XPO4: variants seen among roughly 807,000 people sequenced by gnomAD.
The protein encoded by XPO4 is exportin 4.
Under a neutral mutation model 143.0 loss-of-function variants are expected in XPO4, and 39 were observed. The ratio of observed to expected loss-of-function variants is 0.27; its 90% CI spans 0.21 to 0.36. The LOEUF (loss-of-function observed/expected upper bound fraction) is 0.36, where lower values mean the gene tolerates loss of function less well. Among genes scored for constraint, XPO4 ranks in the 10% least tolerant of loss-of-function variants. The probability of loss-of-function intolerance (pLI) is 1.00; values close to 1 mark genes in which losing one functional copy is unlikely to be tolerated. For missense variants in XPO4, 907 were observed against 1,348.0 expected, an observed-to-expected ratio of 0.67 and a Z score of 5.12; for synonymous variants, 439 against 474.0, an observed-to-expected ratio of 0.93 and a Z score of 0.96.
chr13:20,849,587 C>T (rs187403404), intron 4 of XPO4: 88 of 985,328 alleles, frequency 8.9e-5, no homozygotes, highest in Middle Eastern at 5.2e-4. Context: ...GAAATAACCA[C>T]GTAACCTTTA....
At chr13:20,823,057 T>C (rs2818991) in intron 7 of XPO4, among the ~76,000 whole-genome samples, 35,358 of 152,092 alleles carry the variant, frequency 0.23, 5,767 homozygotes, top group East Asian at 0.8. Context: ...GTTTCATTTC[T>C]GTAATCTGAC....
intron 21 of XPO4, 52 bp from the exon 22 acceptor site, chr13:20,787,109 C>G: frequency 7.1e-7 from 1 of 1,410,274 alleles, no homozygotes; most frequent in Non-Finnish European, 9.7e-7. Flanking sequence ...CATATATCCT[C>G]CAGTCCCTCC....
chr13:20,778,112 A>C lies in XPO4; in HGVS notation c.*5610T>G, dbSNP rs1037929675. ...AATTGTATTTTTGGAGAGCACCATT[A>C]AAGATGTCTTTTAAAAAACAGTTAT... On this transcript the variant is annotated 3_prime_UTR_variant, in exon 23 of 23. Coordinates refer to ENST00000255305, the MANE Select transcript of XPO4 (RefSeq NM_022459.5). The C allele has an allele frequency of 6.6e-6, 1 of 152,232 alleles. No individual in the cohort carries two copies. The highest frequency in any genetic ancestry group is 2.4e-5 in the African/African-American group (1 of 41,462). 9.4% of individuals were successfully genotyped at this position (152,232 alleles called of 1,614,324 possible). A position where few individuals can be genotyped will look rare whatever the true frequency, so the allele number is the denominator to read the frequency against.
In XPO4 at chr13:20,788,557, A is replaced by G. The variant is rs984332630; in HGVS notation, c.2976T>C (p.Pro992=). Residue 992 remains proline (P), a synonymous_variant, in exon 20 of 23, where the codon CCT becomes CCC. Transcript: ENST00000255305. ...CCTCAGGAAGCTGTGGTATTTTTTCAGGAAAAATCTCACAGATAAATGTGA... is the reference window on the plus strand; with the variant it reads ...CCTCAGGAAGCTGTGGTATTTTTTCGGGAAAAATCTCACAGATAAATGTGA... ...KLITFICEIF[P]EKIPQLPEDL... The G allele has an allele frequency of 6.2e-7, 1 of 1,612,734 alleles. No individual in the cohort carries two copies. The highest frequency in any genetic ancestry group is 1.3e-5 in the African/African-American group (1 of 74,888).
chr13:20,808,404 A>T, intron 12 of XPO4, 32 bp downstream of exon 12: 1 of 1,495,410 alleles, frequency 6.7e-7, no homozygotes, highest in Non-Finnish European at 9.1e-7. Context: ...CTCAGTTGGC[A>T]ATTACATTTT....
At chr13:20,890,891 T>G (rs1175292663) in intron 1 of XPO4, among the ~76,000 whole-genome samples, 1 of 150,990 alleles carries the variant, frequency 6.6e-6, no homozygotes, top group Admixed American at 6.6e-5. Flanking sequence ...GCCAGTCACC[T>G]GAGGTCAGGA....
intron 1 of XPO4, chr13:20,869,518 T>A (rs1208684299): frequency 3.2e-5 from 31 of 963,890 alleles, no homozygotes; most frequent in Non-Finnish European, 2.5e-6. Context: ...AACCATTGAA[T>A]AAAGAGGGCA....
intron 16 of XPO4, among the ~76,000 whole-genome samples, chr13:20,797,609 TAGTC>T (rs142040957): frequency 0.021 from 3,218 of 152,246 alleles, 120 homozygotes; most frequent in African/African-American, 0.074. Flanking sequence ...TAAAAATACT[TAGTC>T]AGTCTGGTTT....
At chr13:20,847,720 G>T (rs1462196652) in intron 4 of XPO4, among the ~76,000 whole-genome samples, 1 of 152,112 alleles carries the variant, frequency 6.6e-6, no homozygotes, top group Non-Finnish European at 1.5e-5. Context: ...AACAAAAGCT[G>T]TAGTAATTAA....
chr13:20,784,010 G>T (rs2059170571), intron 22 of XPO4, 91 bp from the exon 23 acceptor site: 3 of 1,262,842 alleles, frequency 2.4e-6, no homozygotes, highest in Admixed American at 1.9e-5. Context: ...GTTCTAAAAG[G>T]CAGGGACACA....
At chr13:20,841,765 T>C (rs1299124935) in intron 6 of XPO4, among the ~76,000 whole-genome samples, 1 of 151,848 alleles carries the variant, frequency 6.6e-6, no homozygotes, top group Non-Finnish European at 1.5e-5. Flanking sequence ...CACAAATAAT[T>C]AGCGAGTTTC....
chr13:20,787,196 T>TA (rs150693596), intron 21 of XPO4, 139 bp from the exon 22 acceptor site: 14,999 of 787,110 alleles, frequency 0.019, 1,086 homozygotes, highest in African/African-American at 0.18. Context: ...CTTAATGTTT[T>TA]AAAAAAAATA....
intron 3 of XPO4, chr13:20,856,187 T>C (rs752406165): frequency 3.2e-6 from 1 of 311,480 alleles, no homozygotes; most frequent in Non-Finnish European, 4.7e-6. Context: ...TCCACTAGTC[T>C]GGAGATAAAT....
intron 7 of XPO4, among the ~76,000 whole-genome samples, chr13:20,825,357 G>A (rs1239169863): frequency 6.6e-6 from 1 of 152,010 alleles, no homozygotes; most frequent in Non-Finnish European, 1.5e-5. Flanking sequence ...CTTTAAAGTA[G>A]GCAATAAATT....
At position 20,808,196 on chromosome 13, in the gene XPO4, T is replaced by C. The variant is rs2137885500; in HGVS notation, c.1639+240A>G. ...TGATGATGATAATAGTAATACTACCTAGCAATACTAATTCAGCGGGTAGAA... is the reference window on the plus strand; with the variant it reads ...TGATGATGATAATAGTAATACTACCCAGCAATACTAATTCAGCGGGTAGAA... On this transcript the variant is annotated intron_variant, in intron 12 of 22. Coordinates refer to ENST00000255305, the MANE Select transcript of XPO4 (RefSeq NM_022459.5). Among the ~76,000 whole-genome samples, 2 of 152,304 alleles carry C rather than the reference T, an allele frequency of 1.3e-5. 1 individual carries two copies. The highest frequency in any genetic ancestry group is 2.9e-5 in the Non-Finnish European group (2 of 68,020).
intron 13 of XPO4, among the ~76,000 whole-genome samples, chr13:20,805,919 G>A (rs959266732): frequency 6.6e-6 from 1 of 151,162 alleles, no homozygotes. Context: ...TAAAAACATG[G>A]TGACTTTTTT....
chr13:20,871,098 G>A (rs764008856), intron 1 of XPO4, among the ~76,000 whole-genome samples: 10 of 152,124 alleles, frequency 6.6e-5, no homozygotes, highest in African/African-American at 2.4e-5. Flanking sequence ...GTAAGCCATC[G>A]TGCCCGGCCA....
intron 7 of XPO4, among the ~76,000 whole-genome samples, chr13:20,826,694 T>G (rs1252342838): frequency 2.0e-5 from 3 of 152,262 alleles, no homozygotes; most frequent in Non-Finnish European, 2.9e-5. Context: ...TATGTTAATA[T>G]GTAATCGTTT....
intron 7 of XPO4, 125 bp downstream of exon 7, chr13:20,826,942 C>T: frequency 1.6e-6 from 1 of 633,262 alleles, no homozygotes; most frequent in East Asian, 2.8e-5. Context: ...TTTAAGCAGC[C>T]ATACTGATGA....
Sources: gnomAD v4.1 joint callset for allele counts (sites outside exome capture counted in the v4.1 genomes callset) on GRCh38, gnomAD v4.1.1 for gene constraint, MANE v1.5 for transcripts, NCBI Gene and HGNC (gene_info 2026-07-23, HGNC 2026-07-21) for gene names.